RASSF3: variants seen among roughly 807,000 people sequenced by gnomAD.
RASSF3 encodes Ras association domain family member 3.
RASSF3 carries 19 observed loss-of-function variants against 19.9 expected under a neutral mutation model. The ratio of observed to expected loss-of-function variants is 0.96; its 90% CI spans 0.67 to 1.40. The LOEUF (loss-of-function observed/expected upper bound fraction) is 1.40, where lower values mean the gene tolerates loss of function less well. Ranked by LOEUF, RASSF3 falls within the 40% of genes most tolerant of loss-of-function variation. The pLI is 0.00. For missense variants in RASSF3, 306 were observed against 289.8 expected, an observed-to-expected ratio of 1.06 and a Z score of -0.41; for synonymous variants, 110 against 104.2, an observed-to-expected ratio of 1.06 and a Z score of -0.34.
chr12:64,615,318 G>A (rs1381118464), intron 1 of RASSF3, among the ~76,000 whole-genome samples: 1 of 152,114 alleles, frequency 6.6e-6, no homozygotes, highest in East Asian at 1.9e-4. Context: ...TAGTTCATGG[G>A]AATAAGGAAA....
At chr12:64,595,615 G>A (rs1476354089) in intron 2 of RASSF3, among the ~76,000 whole-genome samples, 1 of 151,984 alleles carries the variant, frequency 6.6e-6, no homozygotes, top group African/African-American at 2.4e-5. Flanking sequence ...TAATTTGTAG[G>A]CCTCCATGTA....
At chr12:64,527,911 G>A (rs1868622920) in intron 1 of RASSF3, among the ~76,000 whole-genome samples, 1 of 151,282 alleles carries the variant, frequency 6.6e-6, no homozygotes, top group South Asian at 2.1e-4. Flanking sequence ...CTCCAGCCTG[G>A]GTGACAAAGC....
At chr12:64,636,418 T>A (rs116605685) in intron 1 of RASSF3, among the ~76,000 whole-genome samples, 131 of 152,102 alleles carry the variant, frequency 8.6e-4, no homozygotes, top group African/African-American at 3.1e-3. Context: ...CTGGCCAGTT[T>A]ATTATAATTT....
intron 1 of RASSF3, among the ~76,000 whole-genome samples, chr12:64,510,127 C>G (rs1236325893): frequency 1.3e-5 from 2 of 151,844 alleles, no homozygotes; most frequent in African/African-American, 4.8e-5. Context: ...AAATATTACT[C>G]TATCATAATG....
At chr12:64,610,329 G>A (rs553590044), upstream of RASSF3, among the ~76,000 whole-genome samples, 1 of 150,220 alleles carries the variant, frequency 6.7e-6, no homozygotes, top group Admixed American at 6.6e-5. Context: ...GGCGGGCCGG[G>A]CTCCCCCCAC....
At chr12:64,543,390 C>T (rs1429940144), downstream of RASSF3, among the ~76,000 whole-genome samples, 2 of 149,152 alleles carry the variant, frequency 1.3e-5, no homozygotes, top group African/African-American at 4.9e-5. Context: ...TCGGGACCTG[C>T]AGCCAGCCAT....
chr12:64,544,326 G>A (rs947517413), downstream of RASSF3, among the ~76,000 whole-genome samples: 40 of 152,174 alleles, frequency 2.6e-4, no homozygotes, highest in African/African-American at 9.2e-4. Flanking sequence ...CTGTGCTAGC[G>A]AGACCACGAA....
At chr12:64,513,452 GAAA>G (rs67709932) in intron 1 of RASSF3, among the ~76,000 whole-genome samples, 1 of 114,174 alleles carries the variant, frequency 8.8e-6, no homozygotes, top group Non-Finnish European at 1.8e-5. Flanking sequence ...CTCCATCTCA[GAAA>G]AAAAAAAAAA....
intron 1 of RASSF3, among the ~76,000 whole-genome samples, chr12:64,678,201 G>C (rs1348015691): frequency 1.3e-5 from 2 of 152,218 alleles, no homozygotes; most frequent in Non-Finnish European, 2.9e-5. Context: ...TTTTACATGT[G>C]AAAGGTGCTT....
intron 1 of RASSF3, among the ~76,000 whole-genome samples, chr12:64,541,330 C>G (rs769841005): frequency 2.6e-5 from 4 of 152,088 alleles, no homozygotes; most frequent in African/African-American, 4.8e-5. Flanking sequence ...AAAAATGTAT[C>G]GTAGCCTAAT....
intron 2 of RASSF3, among the ~76,000 whole-genome samples, chr12:64,604,323 G>A (rs1234086170): frequency 2.6e-5 from 4 of 151,746 alleles, no homozygotes; most frequent in Non-Finnish European, 1.5e-5. Context: ...ACAGGGTTTC[G>A]TGATGTTGTC....
At chr12:64,658,952 C>T (rs1406011512) in intron 1 of RASSF3, among the ~76,000 whole-genome samples, 1 of 152,102 alleles carries the variant, frequency 6.6e-6, no homozygotes, top group Non-Finnish European at 1.5e-5. Flanking sequence ...CACCTGTAGT[C>T]CCAGCTACTC....
chr12:64,678,659 A>AAAAAAC (rs563545921), intron 1 of RASSF3, among the ~76,000 whole-genome samples: 2,181 of 150,658 alleles, frequency 0.014, 40 homozygotes, highest in Non-Finnish European at 0.023. Context: ...AAAAAAAAAA[A>AAAAAAC]AAAAAACCAA....
In RASSF3 at chr12:64,644,307, G is replaced by A. The variant is rs75555004; in HGVS notation, c.111+33564G>A. 3.1e-3 allele frequency among the ~76,000 whole-genome samples: 471 copies of A among 152,268 alleles called. 1 individual carries two copies. The highest frequency in any genetic ancestry group is 0.011 in the African/African-American group (450 of 41,560). ...AGCTCAGGAAGAGTGATGGCCTAGA[G>A]CGTAGCTTGAATTGAGCAGCAGAGG... On this transcript the variant is annotated intron_variant, in intron 1 of 4. Coordinates refer to ENST00000542104, the MANE Select transcript of RASSF3 (RefSeq NM_178169.4).
chr12:64,695,717 G>C lies in RASSF3; in HGVS notation c.*805G>C, dbSNP rs1868347372. The C allele has an allele frequency of 6.6e-6, 1 of 152,284 alleles. No individual in the cohort carries two copies. The highest frequency in any genetic ancestry group is 1.5e-5 in the Non-Finnish European group (1 of 68,100). 9.4% of individuals were successfully genotyped at this position (152,284 alleles called of 1,614,324 possible). A position where few individuals can be genotyped will look rare whatever the true frequency, so the allele number is the denominator to read the frequency against. ...CATGAACTCTGCAGCTGACCAATCA[G>C]AGAATCAGGCAGGTGTAGCCTACTG... On this transcript the variant is annotated 3_prime_UTR_variant, in exon 5 of 5. Transcript: ENST00000542104.
chr12:64,525,083 A>G (rs1868556895), intron 1 of RASSF3, among the ~76,000 whole-genome samples: 1 of 152,060 alleles, frequency 6.6e-6, no homozygotes. Context: ...TGAGACCAGC[A>G]TAGCCAACAT....
At chr12:64,679,076 G>A (rs761509390) in intron 1 of RASSF3, among the ~76,000 whole-genome samples, 1 of 152,026 alleles carries the variant, frequency 6.6e-6, no homozygotes, top group Non-Finnish European at 1.5e-5. Flanking sequence ...TTTTTGAAGC[G>A]GGGGTGGGGA....
chr12:64,508,366 A>C (rs905834200), intron 1 of RASSF3, among the ~76,000 whole-genome samples: 6 of 150,962 alleles, frequency 4.0e-5, no homozygotes, highest in Non-Finnish European at 7.4e-5. Flanking sequence ...AATACAAAAA[A>C]ATTAGCCGGG....
downstream of RASSF3, among the ~76,000 whole-genome samples, chr12:64,545,963 G>A (rs1173770768): frequency 1.3e-5 from 2 of 151,912 alleles, no homozygotes; most frequent in Non-Finnish European, 2.9e-5. Context: ...GGACGTGGCA[G>A]CAGGCGCTTG....
Sources: gnomAD v4.1 joint callset for allele counts (sites outside exome capture counted in the v4.1 genomes callset) on GRCh38, gnomAD v4.1.1 for gene constraint, MANE v1.5 for transcripts, NCBI Gene and HGNC (gene_info 2026-07-23, HGNC 2026-07-21) for gene names.